WDR36: variants seen among roughly 807,000 people sequenced by gnomAD.
WDR36 encodes WD repeat domain 36.
WDR36 carries 63 observed loss-of-function variants against 112.7 expected under a neutral mutation model. That is an observed-to-expected ratio of 0.56 (90% CI 0.46 to 0.69). WDR36 has a LOEUF of 0.69. Ranked by LOEUF, WDR36 falls within the 30% of genes least tolerant of loss-of-function variation. The pLI is 0.00. For synonymous variants in WDR36, 410 were observed against 362.2 expected (o/e 1.13, Z -1.50); for missense variants, 1,226 against 1,070.3 (o/e 1.15, Z -2.03).
At chr5:111,096,976 T>C (rs1753004408) in intron 2 of WDR36, 103 bp from the exon 3 acceptor site, 7 of 743,462 alleles carry the variant, frequency 9.4e-6, no homozygotes, top group South Asian at 3.3e-5. Flanking sequence ...TTTATTTATA[T>C]ATTTTTTTAA....
chr5:111,113,139 C>A lies in WDR36; in HGVS notation c.1782C>A (p.Asp594Glu), dbSNP rs529338768. ...TGGATTGCTCTATTAGGACTTGGGA[C>A]CTTCCTTCTGGGTGGTAAGTTTATA... ...AAMDCSIRTW[D>E]LPSGCLIDCF... Residue 594 changes from aspartate (D) to glutamate (E), a missense_variant, in exon 16 of 23, where the codon GAC becomes GAA. Coordinates refer to ENST00000513710, the MANE Select transcript of WDR36 (RefSeq NM_139281.3). The A allele has an allele frequency of 2.6e-5, 42 of 1,585,930 alleles. No homozygotes were observed. The Middle Eastern group carries it at 1.0e-3, about 38-fold the overall frequency.
intron 11 of WDR36, among the ~76,000 whole-genome samples, chr5:111,106,926 A>G (rs1323362747): frequency 6.6e-6 from 1 of 150,606 alleles, no homozygotes; most frequent in Non-Finnish European, 1.5e-5. Flanking sequence ...TTGTTCTACT[A>G]CTCCATCCAG....
At chr5:111,092,702 T>A in intron 1 of WDR36, 84 bp downstream of exon 1, 1 of 1,445,536 alleles carries the variant, frequency 6.9e-7, no homozygotes. Flanking sequence ...GGTTCTCCCT[T>A]CCCATTTACC....
In WDR36 at chr5:111,110,915, C is replaced by A; in HGVS notation, c.1569C>A (p.Leu523=). ...KNKILIHSVS[L]SSSPNIMLLH... is the part of the protein sequence containing the mutation. ...AAATTTTAATCCATTCTGTGAGCCT[C>A]AGTTCATCTCCAAATATCATGTTGC... Residue 523 remains leucine (L), a synonymous_variant, in exon 14 of 23, where the codon CTC becomes CTA. Coordinates refer to ENST00000513710, the MANE Select transcript of WDR36 (RefSeq NM_139281.3). The A allele has an allele frequency of 6.2e-7, 1 of 1,611,440 alleles. No homozygotes were observed. The highest frequency in any genetic ancestry group is 8.5e-7 in the Non-Finnish European group (1 of 1,178,452).
At chr5:111,094,860 G>A (rs975884329) in intron 1 of WDR36, 60 bp from the exon 2 acceptor site, 8 of 1,356,534 alleles carry the variant, frequency 5.9e-6, no homozygotes, top group Non-Finnish European at 8.3e-6. Flanking sequence ...ATCTTCAGGT[G>A]TTAGGTTATT....
intron 10 of WDR36, 117 bp downstream of exon 10, chr5:111,105,477 A>T: frequency 1.1e-6 from 1 of 914,824 alleles, no homozygotes; most frequent in Non-Finnish European, 1.7e-6. Context: ...GAACTAGATA[A>T]ACATGTATGG....
At chr5:111,098,662 A>G in intron 3 of WDR36, 60 bp from the exon 4 acceptor site, 2 of 1,105,432 alleles carry the variant, frequency 1.8e-6, no homozygotes, top group Non-Finnish European at 2.8e-6. Context: ...GGATAATATG[A>G]ATAATATGAC....
intron 1 of WDR36, among the ~76,000 whole-genome samples, chr5:111,093,175 C>T (rs767852548): frequency 2.0e-5 from 3 of 152,176 alleles, no homozygotes; most frequent in African/African-American, 7.2e-5. Context: ...GTCATTATAC[C>T]GTAGCACCTT....
In WDR36 at chr5:111,130,293, C is replaced by T. The variant is rs1028454304; in HGVS notation, c.*3410C>T. On this transcript the variant is annotated 3_prime_UTR_variant, in exon 23 of 23. Coordinates refer to ENST00000513710, the MANE Select transcript of WDR36 (RefSeq NM_139281.3). ...TCCTTGTATTTGAGGGTTTTGCATC[C>T]CTCAAATACCATATGTTTTATTTGT... is the stretch of plus-strand genomic sequence containing the variant. The T allele has an allele frequency of 5.1e-6, 1 of 195,628 alleles. No individual in the cohort carries two copies. Among genetic ancestry groups the T allele is most frequent in the African/African-American group, 2.3e-5 (1 of 43,056 alleles). The allele number at this position is 195,628 out of a possible 1,614,324, so 12.1% of individuals were successfully genotyped here.
chr5:111,126,564 T>TA (rs982798395), intron 22 of WDR36, among the ~76,000 whole-genome samples, 170 bp from the exon 23 acceptor site: 1 of 152,038 alleles, frequency 6.6e-6, no homozygotes, highest in Non-Finnish European at 1.5e-5. Flanking sequence ...GACCTTATAA[T>TA]AAAAAAAGTT....
intron 16 of WDR36, among the ~76,000 whole-genome samples, chr5:111,117,758 G>A (rs1316487087): frequency 6.6e-6 from 1 of 152,086 alleles, no homozygotes; most frequent in Non-Finnish European, 1.5e-5. Context: ...TTGTATTAAT[G>A]TACATCCGGA....
At chr5:111,125,390 A>G (rs546007054) in intron 21 of WDR36, among the ~76,000 whole-genome samples, 1 of 152,138 alleles carries the variant, frequency 6.6e-6, no homozygotes, top group African/African-American at 2.4e-5. Context: ...CAGAAAAAAA[A>G]TGTGTTTTGA....
At chr5:111,098,415 G>A (rs1753038900) in intron 3 of WDR36, among the ~76,000 whole-genome samples, 1 of 152,104 alleles carries the variant, frequency 6.6e-6, no homozygotes, top group Admixed American at 6.6e-5. Context: ...GATTGAATTG[G>A]GTGAGGGAAC....
At chr5:111,101,207 G>T (rs954655915) in intron 5 of WDR36, among the ~76,000 whole-genome samples, 38 of 151,950 alleles carry the variant, frequency 2.5e-4, no homozygotes, top group African/African-American at 7.9e-4. Flanking sequence ...CATCACATAT[G>T]TGAAAGGTGG....
Position 111,121,160 on chromosome 5 carries a change from T to G in WDR36, c.2148+19T>G. 3.1e-6 allele frequency: 5 copies of G among 1,613,016 alleles called. No individual in the cohort carries two copies. Among genetic ancestry groups the G allele is most frequent in the Non-Finnish European group, 3.4e-6 (4 of 1,179,230 alleles). On this transcript the variant is annotated intron_variant, in intron 19 of 22. Transcript: ENST00000513710. ...TATTAAGGTAATAATTAACATTCTT[T>G]ATAGACCCTAAGCATGCATCCAGAA...
intron 3 of WDR36, among the ~76,000 whole-genome samples, 177 bp from the exon 4 acceptor site, chr5:111,098,545 A>G (rs1199674982): frequency 6.6e-6 from 1 of 152,174 alleles, no homozygotes; most frequent in Non-Finnish European, 1.5e-5. Context: ...GAGGGAGCAG[A>G]TGAACATGCC....
At chr5:111,104,560 C>T in intron 8 of WDR36, 137 bp from the exon 9 acceptor site, 1 of 1,418,692 alleles carries the variant, frequency 7.0e-7, no homozygotes, top group South Asian at 1.2e-5. Context: ...CCAATACCCA[C>T]TCCCTCCCTT....
At position 111,128,746 on chromosome 5, in the gene WDR36, A is replaced by G. The variant is rs1427877695; in HGVS notation, c.*1863A>G. 1 of 182,246 alleles carries G rather than the reference A, an allele frequency of 5.5e-6. No homozygotes were observed. Among genetic ancestry groups the G allele is most frequent in the African/African-American group, 2.4e-5 (1 of 42,540 alleles). 11.3% of individuals were successfully genotyped at this position (182,246 alleles called of 1,614,324 possible). A position where few individuals can be genotyped will look rare whatever the true frequency, so the allele number is the denominator to read the frequency against. ...CTAGAACCTTTCATGTACTGTTTCC[A>G]TCAAGGGAGGGAAAGAAATAGAAAA... is the stretch of plus-strand genomic sequence containing the variant. On this transcript the variant is annotated 3_prime_UTR_variant, in exon 23 of 23. Coordinates refer to ENST00000513710, the MANE Select transcript of WDR36 (RefSeq NM_139281.3).
rs906156994 is a variant in WDR36, at chr5:111,107,296, G to C, written c.1183G>C (p.Glu395Gln). The C allele has an allele frequency of 6.2e-7, 1 of 1,609,468 alleles. No individual in the cohort carries two copies. Among genetic ancestry groups the C allele is most frequent in the South Asian group, 1.1e-5 (1 of 90,874 alleles). ...LPPITKFAAEEARESDWDGII... is the reference protein window; with the variant it reads ...LPPITKFAAEQARESDWDGII... ...TTATGATTTTCATTACGTTTTAGAG[G>C]AAGCTCGTGAAAGTGACTGGGATGG... Residue 395 changes from glutamate (E) to glutamine (Q), a missense_variant and splice_region_variant, in exon 12 of 23, where the codon GAA becomes CAA. Coordinates refer to ENST00000513710, the MANE Select transcript of WDR36 (RefSeq NM_139281.3).
Sources: gnomAD v4.1 joint callset for allele counts (sites outside exome capture counted in the v4.1 genomes callset) on GRCh38, gnomAD v4.1.1 for gene constraint, MANE v1.5 for transcripts, NCBI Gene and HGNC (gene_info 2026-07-23, HGNC 2026-07-21) for gene names.